TMEM260: variants seen among roughly 807,000 people sequenced by gnomAD.
The protein encoded by TMEM260 is protein O-mannosyl-transferase TMEM260.
A neutral mutation model predicts 88.9 loss-of-function variants in TMEM260; 82 were observed. The ratio of observed to expected loss-of-function variants is 0.92; its 90% CI spans 0.77 to 1.11. TMEM260 has a LOEUF of 1.11. Among genes scored for constraint, TMEM260 ranks in the 50% least tolerant of loss-of-function variants. The pLI, the probability that TMEM260 is intolerant of heterozygous loss-of-function variation, is 0.00. For synonymous variants in TMEM260, 314 were observed against 309.3 expected, an observed-to-expected ratio of 1.02 and a Z score of -0.16; for missense variants, 902 against 853.4, an observed-to-expected ratio of 1.06 and a Z score of -0.71.
intron 10 of TMEM260, among the ~76,000 whole-genome samples, chr14:56,619,670 T>C (rs1887794238): frequency 6.6e-6 from 1 of 151,908 alleles, no homozygotes; most frequent in South Asian, 2.1e-4. Flanking sequence ...GAGAGTCCCT[T>C]GGAATTTTGC....
intron 3 of TMEM260, among the ~76,000 whole-genome samples, chr14:56,588,011 C>T (rs1885619275): frequency 1.3e-5 from 2 of 152,052 alleles, no homozygotes; most frequent in Admixed American, 6.6e-5. Context: ...AGTTTTTGTA[C>T]AACCATTACA....
At position 56,627,846 on chromosome 14, in the gene TMEM260, A is replaced by G. The variant is rs9635234; in HGVS notation, c.1547+2316A>G. 9.6e-3 allele frequency among the ~76,000 whole-genome samples: 1,455 copies of G among 152,338 alleles called. 46 individuals carry two copies. In the East Asian group the frequency reaches 0.098, roughly 10 times the overall value. On this transcript the variant is annotated intron_variant, in intron 12 of 15. Transcript: ENST00000261556. ...TGTATACATTTGTGTAACCACCACA[A>G]CAGTCAGGACACAGAGCAGTCCATG...
chr14:56,589,560 T>A (rs1027445719), intron 3 of TMEM260, among the ~76,000 whole-genome samples: 1 of 152,134 alleles, frequency 6.6e-6, no homozygotes, highest in African/African-American at 2.4e-5. Context: ...TATTGTGCAG[T>A]AAGACATCAG....
chr14:56,623,470 C>T (rs1306295105), intron 11 of TMEM260, among the ~76,000 whole-genome samples: 2 of 152,108 alleles, frequency 1.3e-5, no homozygotes, highest in African/African-American at 4.8e-5. Context: ...GCCCCACTGA[C>T]CAATACTGAG....
At chr14:56,653,050 T>A (rs1890233465), downstream of TMEM260, among the ~76,000 whole-genome samples, 1 of 152,034 alleles carries the variant, frequency 6.6e-6, no homozygotes. Context: ...TCCCAGCACT[T>A]TGGGAGGCCA....
the TMEM260 span, among the ~76,000 whole-genome samples, chr14:56,662,410 T>C: frequency 6.6e-6 from 1 of 152,138 alleles, no homozygotes; most frequent in Non-Finnish European, 1.5e-5. Context: ...CCAACAGAAC[T>C]GCGGCCTTTC....
the TMEM260 span, among the ~76,000 whole-genome samples, chr14:56,657,023 C>A: frequency 3.3e-5 from 5 of 152,214 alleles, no homozygotes; most frequent in Admixed American, 3.3e-4. Context: ...ATTATCTCCT[C>A]TTCTTCCCAA....
downstream of TMEM260, among the ~76,000 whole-genome samples, chr14:56,653,728 CTT>C (rs1184118747): frequency 1.2e-3 from 5 of 4,168 alleles, no homozygotes; most frequent in African/African-American, 0.011. Flanking sequence ...GAGCAAGACT[CTT>C]GTCTCCAAAA....
intron 15 of TMEM260, among the ~76,000 whole-genome samples, 177 bp downstream of exon 15, chr14:56,636,775 T>C (rs752452568): frequency 6.6e-6 from 1 of 151,880 alleles, no homozygotes; most frequent in Non-Finnish European, 1.5e-5. Flanking sequence ...GTATCCAAAG[T>C]AAATGGCTGT....
chr14:56,621,698 A>T lies in TMEM260; in HGVS notation c.1394A>T (p.Gln465Leu), dbSNP rs778364627. ...GLRPDISLVDQEMMTYEWYLP... is the reference protein window; with the variant it reads ...GLRPDISLVDLEMMTYEWYLP... The stretch of plus-strand genomic sequence containing the variant: ...AGGCCTGACATTTCATTAGTGGATC[A>T]GGAAGTAAGTATATGAAAAATATAC... Residue 465 changes from glutamine (Q) to leucine (L), a missense_variant, in exon 11 of 16, where the codon CAG becomes CTG. Coordinates refer to ENST00000261556, the MANE Select transcript of TMEM260 (RefSeq NM_017799.4). 3 of 1,603,780 alleles carry T rather than the reference A, an allele frequency of 1.9e-6. No individual in the cohort carries two copies. The African/African-American group carries it at 4.0e-5, about 22-fold the overall frequency.
At chr14:56,610,654 A>C (rs1887202320) in intron 6 of TMEM260, among the ~76,000 whole-genome samples, 1 of 152,194 alleles carries the variant, frequency 6.6e-6, no homozygotes, top group African/African-American at 2.4e-5. Flanking sequence ...TTTCATAATA[A>C]AAAAGTATTA....
At chr14:56,581,291 G>T (rs561719816) in intron 1 of TMEM260, among the ~76,000 whole-genome samples, 19 of 152,314 alleles carry the variant, frequency 1.2e-4, no homozygotes, top group Non-Finnish European at 2.5e-4. Flanking sequence ...AGGACTTGGG[G>T]ATTAGTGGGG....
At chr14:56,624,940 A>G (rs948950241) in intron 11 of TMEM260, among the ~76,000 whole-genome samples, 6 of 152,216 alleles carry the variant, frequency 3.9e-5, no homozygotes, top group Admixed American at 6.5e-5. Context: ...ATCATCAGGC[A>G]TTAGATTCTC....
chr14:56,648,386 G>A lies in TMEM260; in HGVS notation c.*889G>A, dbSNP rs1412151370. 1 of 152,614 alleles carries A rather than the reference G, an allele frequency of 6.6e-6. No individual in the cohort carries two copies. The highest frequency in any genetic ancestry group is 1.5e-5 in the Non-Finnish European group (1 of 68,044). The allele number at this position is 152,614 out of a possible 1,614,324, so 9.5% of individuals were successfully genotyped here. Reference sequence around the variant, plus strand: ...AATAGTTCTTTATTTTATTATGACAGTTAATTAATAGCAACCTGTTTTAAT... The same window carrying A: ...AATAGTTCTTTATTTTATTATGACAATTAATTAATAGCAACCTGTTTTAAT... On this transcript the variant is annotated 3_prime_UTR_variant, in exon 16 of 16. Transcript: ENST00000261556.
chr14:56,596,425 T>TATATATATATATATATATAC (rs1490067903), intron 3 of TMEM260, among the ~76,000 whole-genome samples: 4 of 135,640 alleles, frequency 2.9e-5, no homozygotes, highest in Middle Eastern at 3.8e-3. Flanking sequence ...TATATATATA[T>TATATATATATATATATATAC]ACATACACAC....
chr14:56,629,675 T>C (rs1391197340), intron 12 of TMEM260, among the ~76,000 whole-genome samples: 1 of 152,214 alleles, frequency 6.6e-6, no homozygotes, highest in Non-Finnish European at 1.5e-5. Context: ...TTATTTCATC[T>C]TCCTGTTTGA....
chr14:56,651,638 T>C (rs1890208503), downstream of TMEM260, among the ~76,000 whole-genome samples: 1 of 152,220 alleles, frequency 6.6e-6, no homozygotes, highest in African/African-American at 2.4e-5. Context: ...GGCACAATTA[T>C]GGGGCTATAC....
downstream of TMEM260, among the ~76,000 whole-genome samples, chr14:56,654,814 CAAAAAAAAAAAAAAA>C (rs750160414): frequency 7.7e-5 from 4 of 51,790 alleles, no homozygotes; most frequent in African/African-American, 1.0e-4. Context: ...AACTCCATCT[CAAAAAAAAAAAAAAA>C]AAAAAAAAAA....
At chr14:56,633,809 G>C (rs1046751628) in intron 13 of TMEM260, among the ~76,000 whole-genome samples, 12 of 151,738 alleles carry the variant, frequency 7.9e-5, no homozygotes, top group Admixed American at 3.9e-4. Context: ...CACACACACA[G>C]AGTCACTATC....
Sources: gnomAD v4.1 joint callset for allele counts (sites outside exome capture counted in the v4.1 genomes callset) on GRCh38, gnomAD v4.1.1 for gene constraint, MANE v1.5 for transcripts, NCBI Gene and HGNC (gene_info 2026-07-23, HGNC 2026-07-21) for gene names.